MAN1A1: variants seen among roughly 807,000 people sequenced by gnomAD.
MAN1A1 encodes the protein mannosyl-oligosaccharide 1,2-alpha-mannosidase IA.
A neutral mutation model predicts 70.8 loss-of-function variants in MAN1A1; 29 were observed. The observed-to-expected ratio is 0.41, with a 90% confidence interval of 0.31 to 0.56. MAN1A1 has a LOEUF of 0.56. MAN1A1 is among the 20% of genes least tolerant of loss of function. The pLI is 0.29. For synonymous variants in MAN1A1, 349 were observed against 330.1 expected, an observed-to-expected ratio of 1.06 and a Z score of -0.62; for missense variants, 747 against 841.3, an observed-to-expected ratio of 0.89 and a Z score of 1.39.
intron 2 of MAN1A1, among the ~76,000 whole-genome samples, chr6:119,338,060 C>T (rs560558445): frequency 1.4e-3 from 183 of 128,030 alleles, no homozygotes; most frequent in African/African-American, 5.4e-3. Flanking sequence ...TTCAACACTG[C>T]TAGTTGACTA....
chr6:119,244,897 C>T (rs1475878372), intron 6 of MAN1A1, among the ~76,000 whole-genome samples: 1 of 152,110 alleles, frequency 6.6e-6, no homozygotes, highest in East Asian at 1.9e-4. Flanking sequence ...AGAAACTCTT[C>T]CCAGGACTTA....
At chr6:119,248,477 G>A (rs1239324398) in intron 5 of MAN1A1, 123 bp from the exon 6 acceptor site, 5 of 623,878 alleles carry the variant, frequency 8.0e-6, no homozygotes, top group Non-Finnish European at 1.4e-5. Context: ...TTTAATATCT[G>A]ACAAAAAGTT....
intron 11 of MAN1A1, among the ~76,000 whole-genome samples, chr6:119,186,889 T>C (rs3819728): frequency 0.71 from 107,590 of 151,870 alleles, 38,357 homozygotes; most frequent in East Asian, 0.78. Context: ...GCTCAGGTTC[T>C]AGCAGAGGTT....
intron 7 of MAN1A1, among the ~76,000 whole-genome samples, chr6:119,201,681 AAC>A (rs1182629970): frequency 6.6e-6 from 1 of 152,180 alleles, no homozygotes; most frequent in Admixed American, 6.5e-5. Flanking sequence ...CATGCTGGGA[AAC>A]ACAGGCAATT....
At chr6:119,217,075 A>C (rs1774225766) in intron 6 of MAN1A1, among the ~76,000 whole-genome samples, 2 of 152,200 alleles carry the variant, frequency 1.3e-5, no homozygotes, top group Non-Finnish European at 2.9e-5. Flanking sequence ...TTTAATAAAC[A>C]TTACCCAATT....
At chr6:119,345,834 C>G (rs1773713456) in intron 2 of MAN1A1, among the ~76,000 whole-genome samples, 1 of 152,186 alleles carries the variant, frequency 6.6e-6, no homozygotes, top group African/African-American at 2.4e-5. Context: ...ACAGGTCAGG[C>G]ATGGTGGCTC....
At chr6:119,263,718 ACAG>A (rs1775675075) in intron 5 of MAN1A1, among the ~76,000 whole-genome samples, 1 of 152,192 alleles carries the variant, frequency 6.6e-6, no homozygotes, top group South Asian at 2.1e-4. Context: ...AAAATATAAT[ACAG>A]GAAAAAACAA....
At chr6:119,324,686 T>A (rs984352746) in intron 2 of MAN1A1, among the ~76,000 whole-genome samples, 1 of 152,208 alleles carries the variant, frequency 6.6e-6, no homozygotes, top group South Asian at 2.1e-4. Context: ...TTCACTTTAT[T>A]GTAGAACTCA....
At chr6:119,278,289 AAAATCCAGCT>A (rs1776133065) in intron 5 of MAN1A1, among the ~76,000 whole-genome samples, 1 of 152,226 alleles carries the variant, frequency 6.6e-6, no homozygotes, top group South Asian at 2.1e-4. Context: ...TAGATGCATT[AAAATCCAGCT>A]AATTAGCTGA....
chr6:119,252,009 C>G (rs890269784), intron 5 of MAN1A1, among the ~76,000 whole-genome samples: 2 of 152,154 alleles, frequency 1.3e-5, no homozygotes, highest in African/African-American at 4.8e-5. Context: ...AGTTGGCCAT[C>G]CTTATTTATT....
chr6:119,208,867 G>T (rs955844184), intron 6 of MAN1A1, among the ~76,000 whole-genome samples: 3 of 152,092 alleles, frequency 2.0e-5, no homozygotes, highest in Non-Finnish European at 4.4e-5. Flanking sequence ...AGCTGAGGCA[G>T]CCAGCCCACT....
chr6:119,308,950 T>C (rs1296603861), intron 2 of MAN1A1, among the ~76,000 whole-genome samples: 6 of 152,190 alleles, frequency 3.9e-5, no homozygotes, highest in Non-Finnish European at 5.9e-5. Flanking sequence ...GTAACCTCTG[T>C]AGTATATATT....
chr6:119,347,592 T>G lies in MAN1A1; in HGVS notation c.603+871A>C, dbSNP rs150146242. Among the ~76,000 whole-genome samples, 1,084 of 152,290 alleles carry G rather than the reference T, an allele frequency of 7.1e-3. 9 individuals carry two copies. The highest frequency in any genetic ancestry group is 0.024 in the African/African-American group (1,015 of 41,552). ...CAGGTGACTGGGGGAAGTTCGGACC[T>G]CGGGCTTCAAGTCCTGACTCATCAC... On this transcript the variant is annotated intron_variant, in intron 2 of 12. Transcript: ENST00000368468.
At chr6:119,194,484 A>G (rs1284876834) in intron 8 of MAN1A1, among the ~76,000 whole-genome samples, 1 of 151,940 alleles carries the variant, frequency 6.6e-6, no homozygotes, top group African/African-American at 2.4e-5. Context: ...TCACCACGCC[A>G]GGCTCATTTT....
At chr6:119,337,122 T>C (rs1773474043) in intron 2 of MAN1A1, among the ~76,000 whole-genome samples, 1 of 152,200 alleles carries the variant, frequency 6.6e-6, no homozygotes, top group Non-Finnish European at 1.5e-5. Context: ...TTTCACCAGT[T>C]TACAGTCATA....
intron 11 of MAN1A1, among the ~76,000 whole-genome samples, chr6:119,182,233 T>G (rs1773171157): frequency 6.6e-6 from 1 of 152,232 alleles, no homozygotes; most frequent in South Asian, 2.1e-4. Flanking sequence ...GTTTTTCTGC[T>G]ACTGAATTGT....
chr6:119,196,546 A>G (rs1457220959), intron 8 of MAN1A1, among the ~76,000 whole-genome samples: 5 of 152,158 alleles, frequency 3.3e-5, no homozygotes, highest in African/African-American at 4.8e-5. Flanking sequence ...TTTATGTCCA[A>G]CTGCTCTAAA....
Position 119,189,829 on chromosome 6 carries a change from C to A in MAN1A1, c.1381G>T (p.Glu461Ter). 1 of 1,614,120 alleles carries A rather than the reference C, an allele frequency of 6.2e-7. No homozygotes were observed. The highest frequency in any genetic ancestry group is 1.1e-5 in the South Asian group (1 of 91,074). The change falls in exon 10 of 13, where the codon GAG (glutamate) becomes TAG (stop). Residue 461 changes from glutamate to a stop codon, truncating the protein, a stop_gained. Coordinates refer to ENST00000368468, the MANE Select transcript of MAN1A1 (RefSeq NM_005907.4). LOFTEE classifies it high-confidence loss of function. ...KSSSGLTYIA[E>*]WKGGLLEHKM... ...TGCTCCAGGAGGCCCCCTTTCCACT[C>A]TGCGATATAAGTTAGTCCGCTGCTA... is the stretch of plus-strand genomic sequence containing the variant.
intron 6 of MAN1A1, among the ~76,000 whole-genome samples, chr6:119,238,008 C>T (rs959819424): frequency 2.0e-5 from 3 of 152,208 alleles, no homozygotes; most frequent in Non-Finnish European, 2.9e-5. Flanking sequence ...TACATCCCTG[C>T]TCTTTCTGCC....
Sources: allele counts gnomAD v4.1 joint callset (sites outside exome capture counted in the v4.1 genomes callset), GRCh38; gene constraint gnomAD v4.1.1; transcripts MANE v1.5; gene names NCBI Gene and HGNC (gene_info 2026-07-23, HGNC 2026-07-21).